The following FAM120C variants were observed in gnomAD, a reference collection of about 807,000 sequenced individuals.
FAM120C encodes the protein constitutive coactivator of PPAR-gamma-like protein 2.
Under a neutral mutation model 71.2 loss-of-function variants are expected in FAM120C, and 14 were observed. The ratio of observed to expected loss-of-function variants is 0.20; its 90% CI spans 0.13 to 0.31. FAM120C has a LOEUF of 0.31. Ranked by LOEUF, FAM120C falls within the 10% of genes least tolerant of loss-of-function variation. The probability of loss-of-function intolerance (pLI) is 1.00; values close to 1 mark genes in which losing one functional copy is unlikely to be tolerated. For synonymous variants in FAM120C, 354 were observed against 353.2 expected (o/e 1.00, Z -0.03); for missense variants, 500 against 879.0 (o/e 0.57, Z 5.45).
chrX:54,073,824 G>A (rs1308383969), intron 15 of FAM120C, among the ~76,000 whole-genome samples: 1 of 110,675 alleles, frequency 9.0e-6, no homozygotes, highest in African/African-American at 3.3e-5. Flanking sequence ...ACACAATAAT[G>A]ACACAGCTTT....
chrX:54,114,003 T>C (rs913714256), intron 10 of FAM120C, among the ~76,000 whole-genome samples: 1 of 107,920 alleles, frequency 9.3e-6, no homozygotes, highest in Non-Finnish European at 1.9e-5. Flanking sequence ...TCAACCTAAA[T>C]GTTCATCAAT....
intron 1 of FAM120C, among the ~76,000 whole-genome samples, chrX:54,174,611 T>C (rs1557136408): frequency 8.9e-6 from 1 of 112,677 alleles, no homozygotes; most frequent in African/African-American, 3.2e-5. Context: ...TGTATTCATA[T>C]AATGCAAGTT....
intron 4 of FAM120C, among the ~76,000 whole-genome samples, chrX:54,139,503 C>T (rs782614111): frequency 6.4e-4 from 70 of 108,862 alleles, no homozygotes; most frequent in Non-Finnish European, 1.2e-3. Flanking sequence ...CCATGCCCAG[C>T]TAATTTTTTT....
intron 1 of FAM120C, among the ~76,000 whole-genome samples, chrX:54,159,843 T>G (rs1451379663): frequency 9.4e-6 from 1 of 106,846 alleles, no homozygotes; most frequent in Non-Finnish European, 1.9e-5. Context: ...GCTTAAGTGA[T>G]CCTCCCGCCT....
chrX:54,182,668 C>T lies in FAM120C; in HGVS notation c.531G>A (p.Lys177=). Residue 177 remains lysine, a synonymous_variant, in exon 1 of 16, where the codon AAG becomes AAA. Transcript: ENST00000375180. ...GACGGCCCCACTCGGCCAGCCGGTCCTTGCCCAGGCCCCCCGGGAACATGA... is the reference window on the plus strand; with the variant it reads ...GACGGCCCCACTCGGCCAGCCGGTCTTTGCCCAGGCCCCCCGGGAACATGA... ...LVVMFPGGLG[K]DRLAEWGRRC... is the part of the protein sequence containing the mutation. 6 of 1,209,521 alleles carry T rather than the reference C, an allele frequency of 5.0e-6. No homozygotes were observed. Among genetic ancestry groups the T allele is most frequent in the Non-Finnish European group, 6.7e-6 (6 of 894,747 alleles).
chrX:54,068,834 TAGAATAGA>T lies in FAM120C; in HGVS notation c.*4191_*4198del, dbSNP rs2066698485. 2.0e-5 allele frequency: 2 copies of T among 101,909 alleles called. No individual in the cohort carries two copies. The highest frequency in any genetic ancestry group is 4.0e-5 in the Non-Finnish European group (2 of 49,740). 8.4% of individuals were successfully genotyped at this position (101,909 alleles called of 1,213,427 possible). On this transcript the variant is annotated 3_prime_UTR_variant, in exon 16 of 16. Coordinates refer to ENST00000375180, the MANE Select transcript of FAM120C (RefSeq NM_017848.6). ...TAGAATAGAATAGAATAGAATAGAA[TAGAATAGA>T]ATAGAAGGTAGGAGGGGAAGTGCTT...
intron 9 of FAM120C, among the ~76,000 whole-genome samples, chrX:54,124,995 A>G (rs782652876): frequency 1.0e-3 from 116 of 111,373 alleles, no homozygotes; most frequent in African/African-American, 3.7e-3. Context: ...ATATAAAAGA[A>G]ACAAAAAACA....
intron 4 of FAM120C, among the ~76,000 whole-genome samples, chrX:54,141,226 A>G (rs1435125439): frequency 8.9e-6 from 1 of 111,813 alleles, no homozygotes; most frequent in East Asian, 2.8e-4. Context: ...CAAAAAAATT[A>G]TAGGTCAATA....
In FAM120C at chrX:54,091,336, T is replaced by G; in HGVS notation, c.2403A>C (p.Glu801Asp). 1 of 1,208,143 alleles carries G rather than the reference T, an allele frequency of 8.3e-7. No individual in the cohort carries two copies. Among genetic ancestry groups the G allele is most frequent in the Non-Finnish European group, 1.1e-6 (1 of 892,456 alleles). The change falls in exon 11 of 16, where the codon GAA (glutamate) becomes GAC (aspartate). Residue 801 changes from glutamate (E) to aspartate (D), a missense_variant. Glu to Asp is a conservative substitution (Grantham distance 45, BLOSUM62 2). Coordinates refer to ENST00000375180, the MANE Select transcript of FAM120C (RefSeq NM_017848.6). ...CCTTGAGTTCTTGGAGTCGATCTGG[T>G]TCATAAAGCTGGGTAGACACTGCCT... ...LAQAVSTQLY[E>D]PDRLQELKIE...
chrX:54,135,498 G>C, intron 6 of FAM120C, 30 bp downstream of exon 6: 2 of 1,165,502 alleles, frequency 1.7e-6, no homozygotes, highest in Non-Finnish European at 2.3e-6. Context: ...TGAGTCTAAT[G>C]CTATCTCAGG....
At chrX:54,110,011 C>CTT (rs782078837) in intron 10 of FAM120C, among the ~76,000 whole-genome samples, 964 of 61,399 alleles carry the variant, frequency 0.016, 58 homozygotes, top group Middle Eastern at 0.02. Flanking sequence ...AGAAAAATAT[C>CTT]TTTTTTTTTT....
chrX:54,116,608 G>A lies in FAM120C; in HGVS notation c.2249C>T (p.Thr750Met), dbSNP rs781827707. The change falls in exon 10 of 16, where the codon ACG becomes ATG. Residue 750 changes from threonine to methionine, a missense_variant. Physicochemically the swap from Thr to Met is moderately conservative, Grantham distance 81. Transcript: ENST00000375180. ...ATTAGCTGGATTGAGCATACTGGGC[G>A]TGTCCGACTTCATACAGGCCAGGAA... Reference protein sequence around the residue: ...RAFLACMKSDTPSMLNPANVP... With the variant: ...RAFLACMKSDMPSMLNPANVP... The A allele has an allele frequency of 2.1e-5, 26 of 1,209,738 alleles. No homozygotes were observed. Among genetic ancestry groups the A allele is most frequent in the Non-Finnish European group, 2.7e-5 (24 of 895,027 alleles).
intron 9 of FAM120C, among the ~76,000 whole-genome samples, chrX:54,118,591 T>G (rs113308205): frequency 9.1e-6 from 1 of 109,453 alleles, no homozygotes. Context: ...ATCCAGCTTC[T>G]CTGCATCCTC....
chrX:54,166,001 T>A (rs184114900), intron 1 of FAM120C, among the ~76,000 whole-genome samples: 138 of 109,642 alleles, frequency 1.3e-3, no homozygotes, highest in African/African-American at 4.4e-3. Flanking sequence ...GAAAAACCCA[T>A]GTAAGTAAGC....
chrX:54,115,915 C>G (rs1281028043), intron 10 of FAM120C, among the ~76,000 whole-genome samples: 1 of 110,905 alleles, frequency 9.0e-6, no homozygotes, highest in African/African-American at 3.3e-5. Flanking sequence ...AACCCCATCT[C>G]TACTAAAAAT....
At chrX:54,178,720 G>A (rs1176534495) in intron 1 of FAM120C, among the ~76,000 whole-genome samples, 1 of 111,752 alleles carries the variant, frequency 8.9e-6, no homozygotes, top group Non-Finnish European at 1.9e-5. Context: ...GAATGTCTAT[G>A]ACTAATGGTA....
At position 54,116,423 on chromosome X, in the gene FAM120C, G is replaced by A. The variant is rs193209268; in HGVS notation, c.2312+122C>T. ...AACAATCATTTTCGGTGTTTCTGGCGCATAAGCCAAACATAAAATAAAAAT... is the reference window on the plus strand; with the variant it reads ...AACAATCATTTTCGGTGTTTCTGGCACATAAGCCAAACATAAAATAAAAAT... On this transcript the variant is annotated intron_variant, in intron 10 of 15. Coordinates refer to ENST00000375180, the MANE Select transcript of FAM120C (RefSeq NM_017848.6). 61 of 793,898 alleles carry A rather than the reference G, an allele frequency of 7.7e-5. No homozygotes were observed. In the East Asian group the frequency reaches 8.7e-4, roughly 11 times the overall value. 65.4% of individuals were successfully genotyped at this position (793,898 alleles called of 1,213,427 possible).
At chrX:54,126,103 T>C (rs1264851580) in intron 9 of FAM120C, among the ~76,000 whole-genome samples, 1 of 112,058 alleles carries the variant, frequency 8.9e-6, no homozygotes, top group Non-Finnish European at 1.9e-5. Flanking sequence ...AGGAGTTTTG[T>C]TGTAGATTCC....
At chrX:54,147,831 A>G (rs1161113537) in intron 4 of FAM120C, among the ~76,000 whole-genome samples, 1 of 110,625 alleles carries the variant, frequency 9.0e-6, no homozygotes, top group Non-Finnish European at 1.9e-5. Flanking sequence ...AGTAGCTGGG[A>G]TTACAGGCAC....
Sources: allele counts gnomAD v4.1 joint callset (sites outside exome capture counted in the v4.1 genomes callset), GRCh38; gene constraint gnomAD v4.1.1; transcripts MANE v1.5; gene names NCBI Gene and HGNC (gene_info 2026-07-23, HGNC 2026-07-21).